SUCLG2: variants seen among roughly 807,000 people sequenced by gnomAD.
SUCLG2 encodes succinate-CoA ligase GDP-forming subunit beta, also known as succinate--CoA ligase [GDP-forming] subunit beta, mitochondrial.
Under a neutral mutation model 47.9 loss-of-function variants are expected in SUCLG2, and 42 were observed. That is an observed-to-expected ratio of 0.88 (90% CI 0.69 to 1.14). The LOEUF (loss-of-function observed/expected upper bound fraction) is 1.14. Ranked by LOEUF, SUCLG2 falls within the 50% of genes most tolerant of loss-of-function variation. The probability of loss-of-function intolerance (pLI) is 0.00; values close to 1 mark genes in which losing one functional copy is unlikely to be tolerated. For missense variants in SUCLG2, 571 were observed against 525.9 expected, an observed-to-expected ratio of 1.09 and a Z score of -0.84; for synonymous variants, 195 against 197.3, an observed-to-expected ratio of 0.99 and a Z score of 0.10.
intron 9 of SUCLG2, among the ~76,000 whole-genome samples, chr3:67,414,674 A>G (rs898587463): frequency 6.6e-6 from 1 of 152,180 alleles, no homozygotes; most frequent in Non-Finnish European, 1.5e-5. Context: ...TAGGCTTACT[A>G]GACAAAATGT....
downstream of SUCLG2, among the ~76,000 whole-genome samples, chr3:67,369,752 A>G (rs1701927229): frequency 6.6e-6 from 1 of 152,218 alleles, no homozygotes. Context: ...GGCTTTCAGC[A>G]CAGAGATTTC....
chr3:67,623,282 C>T (rs1484827644), intron 1 of SUCLG2, among the ~76,000 whole-genome samples: 2 of 152,086 alleles, frequency 1.3e-5, no homozygotes, highest in African/African-American at 4.8e-5. Context: ...GGGTGAATCA[C>T]GAGGTCAGGA....
At chr3:67,428,860 G>T (rs1380404966) in intron 9 of SUCLG2, among the ~76,000 whole-genome samples, 1 of 152,146 alleles carries the variant, frequency 6.6e-6, no homozygotes, top group African/African-American at 2.4e-5. Flanking sequence ...AGTGATTGAA[G>T]ATCAAATGAA....
intron 2 of SUCLG2, 25 bp from the exon 3 acceptor site, chr3:67,529,211 G>C (rs1297582739): frequency 1.3e-6 from 2 of 1,570,858 alleles, no homozygotes; most frequent in East Asian, 4.5e-5. Context: ...TCCAGAGTTG[G>C]TAGCTGATTT....
chr3:67,435,522 C>A (rs1703596720), intron 9 of SUCLG2, among the ~76,000 whole-genome samples: 1 of 152,144 alleles, frequency 6.6e-6, no homozygotes, highest in South Asian at 2.1e-4. Context: ...AATTACTACA[C>A]AGTTCAAATT....
chr3:67,598,606 C>A (rs1375145593), intron 2 of SUCLG2, among the ~76,000 whole-genome samples: 2 of 152,182 alleles, frequency 1.3e-5, no homozygotes, highest in Admixed American at 1.3e-4. Context: ...TGTGAAAGGT[C>A]ACCTCACAAC....
At chr3:67,641,011 A>G (rs543588319) in intron 1 of SUCLG2, among the ~76,000 whole-genome samples, 1 of 152,356 alleles carries the variant, frequency 6.6e-6, no homozygotes, top group African/African-American at 2.4e-5. Flanking sequence ...GATTAAAAAT[A>G]ATAATGAGGT....
At chr3:67,460,706 C>T (rs1704309550) in intron 9 of SUCLG2, among the ~76,000 whole-genome samples, 1 of 152,044 alleles carries the variant, frequency 6.6e-6, no homozygotes, top group African/African-American at 2.4e-5. Flanking sequence ...CTAACAGGGC[C>T]AGAAAAGGAC....
intron 2 of SUCLG2, among the ~76,000 whole-genome samples, chr3:67,530,660 T>C (rs185781289): frequency 2.0e-5 from 3 of 152,360 alleles, no homozygotes; most frequent in East Asian, 3.9e-4. Flanking sequence ...GTTAGTCTTC[T>C]TGTCTCCTAT....
intron 2 of SUCLG2, among the ~76,000 whole-genome samples, chr3:67,566,095 T>C (rs1707447655): frequency 6.6e-6 from 1 of 152,228 alleles, no homozygotes. Context: ...AGACAAGATT[T>C]TGCATTCAAC....
intron 2 of SUCLG2, among the ~76,000 whole-genome samples, chr3:67,571,526 C>T (rs1707607410): frequency 6.6e-6 from 1 of 152,138 alleles, no homozygotes; most frequent in African/African-American, 2.4e-5. Context: ...GGCAAATATC[C>T]AAACCCTTGG....
intron 9 of SUCLG2, among the ~76,000 whole-genome samples, chr3:67,449,000 T>C (rs1388961161): frequency 1.3e-5 from 2 of 152,194 alleles, no homozygotes; most frequent in Non-Finnish European, 2.9e-5. Flanking sequence ...TGAATTTGAA[T>C]ATTTCTTGCT....
At chr3:67,543,301 C>G (rs1371338323) in intron 2 of SUCLG2, among the ~76,000 whole-genome samples, 1 of 152,136 alleles carries the variant, frequency 6.6e-6, no homozygotes, top group Non-Finnish European at 1.5e-5. Flanking sequence ...TAATGACTAG[C>G]ATTTTTTAAA....
At chr3:67,597,507 G>A (rs1397847101) in intron 2 of SUCLG2, among the ~76,000 whole-genome samples, 1 of 152,096 alleles carries the variant, frequency 6.6e-6, no homozygotes, top group African/African-American at 2.4e-5. Context: ...TTTTAGCCCT[G>A]GAACAAATCC....
chr3:67,439,828 G>A (rs1015766668), intron 9 of SUCLG2, among the ~76,000 whole-genome samples: 1 of 152,132 alleles, frequency 6.6e-6, no homozygotes, highest in Non-Finnish European at 1.5e-5. Flanking sequence ...CAGATTCAAT[G>A]CTATCCCCAT....
intron 2 of SUCLG2, among the ~76,000 whole-genome samples, chr3:67,564,062 A>G (rs193026010): frequency 1.9e-3 from 293 of 152,186 alleles, no homozygotes; most frequent in African/African-American, 6.3e-3. Context: ...GAATAGAGGG[A>G]GAGGGATAAA....
intron 1 of SUCLG2, among the ~76,000 whole-genome samples, chr3:67,633,045 G>C (rs1700952947): frequency 6.6e-6 from 1 of 152,202 alleles, no homozygotes; most frequent in Admixed American, 6.5e-5. Flanking sequence ...ATCTGAGCTT[G>C]TCCAACGGTG....
chr3:67,369,212 T>C (rs558610836), intron 10 of SUCLG2, among the ~76,000 whole-genome samples: 268 of 152,318 alleles, frequency 1.8e-3, no homozygotes, highest in African/African-American at 6.3e-3. Flanking sequence ...AATAGTTTTA[T>C]TAAGTATTAC....
chr3:67,564,110 T>C (rs1200820830), intron 2 of SUCLG2, among the ~76,000 whole-genome samples: 3 of 152,310 alleles, frequency 2.0e-5, no homozygotes, highest in South Asian at 2.1e-4. Flanking sequence ...TTTTTCCTAC[T>C]AGAAAAATCA....
Sources: gnomAD v4.1 joint callset for allele counts (sites outside exome capture counted in the v4.1 genomes callset) on GRCh38, gnomAD v4.1.1 for gene constraint, MANE v1.5 for transcripts, NCBI Gene and HGNC (gene_info 2026-07-23, HGNC 2026-07-21) for gene names.